Variants in SLIT3 observed in about 807,000 individuals in gnomAD.
SLIT3 encodes slit homolog 3 protein.
A neutral mutation model predicts 184.0 loss-of-function variants in SLIT3; 68 were observed. The ratio of observed to expected loss-of-function variants is 0.37; its 90% CI spans 0.30 to 0.45. SLIT3 has a LOEUF of 0.45. Among genes scored for constraint, SLIT3 ranks in the 20% least tolerant of loss-of-function variants. The pLI is 1.00. For synonymous variants in SLIT3, 831 were observed against 828.6 expected (o/e 1.00, Z -0.05); for missense variants, 1,707 against 2,026.0 (o/e 0.84, Z 3.02).
chr5:168,953,894 CT>C (rs1457436368), intron 4 of SLIT3, among the ~76,000 whole-genome samples: 1 of 152,228 alleles, frequency 6.6e-6, no homozygotes, highest in East Asian at 1.9e-4. Context: ...GTTTTCACTG[CT>C]GCCGGCGGCT....
intron 1 of SLIT3, among the ~76,000 whole-genome samples, chr5:169,257,495 A>G (rs72837976): frequency 0.26 from 37,653 of 146,546 alleles, 6,000 homozygotes; most frequent in Non-Finnish European, 0.37. Flanking sequence ...CTACGCTGAC[A>G]AATAAAATAT....
At chr5:168,700,516 G>T in intron 27 of SLIT3, 66 bp downstream of exon 27, 2 of 1,111,038 alleles carry the variant, frequency 1.8e-6, no homozygotes, top group Non-Finnish European at 2.8e-6. Context: ...CCAGTCTTGG[G>T]TATGTCTTTA....
At chr5:169,292,897 G>C (rs957338476) in intron 1 of SLIT3, among the ~76,000 whole-genome samples, 1 of 152,214 alleles carries the variant, frequency 6.6e-6, no homozygotes, top group African/African-American at 2.4e-5. Flanking sequence ...ATGTCAGGCA[G>C]CTTGGTCAAA....
chr5:169,169,632 T>TGGTCCCTATC (rs1420625065), intron 4 of SLIT3, among the ~76,000 whole-genome samples: 1 of 152,154 alleles, frequency 6.6e-6, no homozygotes, highest in Non-Finnish European at 1.5e-5. Flanking sequence ...TACCACAAAT[T>TGGTCCCTATC]GGTCCCTATC....
At chr5:168,762,316 G>C (rs1388864526) in intron 15 of SLIT3, among the ~76,000 whole-genome samples, 1 of 152,170 alleles carries the variant, frequency 6.6e-6, no homozygotes, top group Non-Finnish European at 1.5e-5. Flanking sequence ...TAGGTGTTCA[G>C]AAAATATGTG....
At chr5:169,244,605 A>T in intron 3 of SLIT3, 100 bp downstream of exon 3, 2 of 994,094 alleles carry the variant, frequency 2.0e-6, no homozygotes, top group Non-Finnish European at 3.1e-6. Context: ...GACCTTTTTT[A>T]ACAAGGTTAT....
intron 4 of SLIT3, among the ~76,000 whole-genome samples, chr5:168,934,858 G>A (rs1319925508): frequency 1.3e-5 from 2 of 151,680 alleles, no homozygotes; most frequent in African/African-American, 4.8e-5. Flanking sequence ...GGCTGGGCGC[G>A]GTGGCTCACG....
intron 11 of SLIT3, among the ~76,000 whole-genome samples, chr5:168,788,771 C>T (rs142884786): frequency 6.6e-6 from 1 of 151,942 alleles, no homozygotes; most frequent in Non-Finnish European, 1.5e-5. Flanking sequence ...GAGGACTAAA[C>T]TTGACAGACT....
chr5:169,152,963 G>A (rs1419740922), intron 4 of SLIT3, among the ~76,000 whole-genome samples: 1 of 152,140 alleles, frequency 6.6e-6, no homozygotes, highest in African/African-American at 2.4e-5. Flanking sequence ...CAGCTCTACG[G>A]TCTCCAGAAA....
intron 8 of SLIT3, among the ~76,000 whole-genome samples, chr5:168,816,907 G>T (rs892294444): frequency 7.9e-5 from 12 of 152,178 alleles, no homozygotes; most frequent in African/African-American, 2.9e-4. Flanking sequence ...TGACTCCAGA[G>T]CCTACATTAT....
chr5:168,954,692 G>A (rs772253573), intron 4 of SLIT3, among the ~76,000 whole-genome samples: 2 of 152,238 alleles, frequency 1.3e-5, no homozygotes, highest in African/African-American at 4.8e-5. Context: ...CTAGCACTGA[G>A]GGAGCTCAAA....
intron 4 of SLIT3, among the ~76,000 whole-genome samples, chr5:169,059,392 T>C (rs758409722): frequency 6.6e-6 from 1 of 152,180 alleles, no homozygotes. Flanking sequence ...TTTGTAAGCC[T>C]TACCCATTCA....
chr5:168,844,505 T>C (rs1246299681), intron 6 of SLIT3, 79 bp downstream of exon 6: 40 of 1,323,798 alleles, frequency 3.0e-5, no homozygotes, highest in Non-Finnish European at 4.3e-5. Context: ...ACTCTCCCCC[T>C]CTCTCCTCCC....
intron 4 of SLIT3, among the ~76,000 whole-genome samples, chr5:169,135,112 G>T (rs750521250): frequency 3.3e-5 from 5 of 152,134 alleles, no homozygotes; most frequent in Non-Finnish European, 5.9e-5. Context: ...TGTTTTGTTT[G>T]TTTGTTTTTT....
chr5:169,032,639 T>C (rs1490714303), intron 4 of SLIT3, among the ~76,000 whole-genome samples: 1 of 150,818 alleles, frequency 6.6e-6, no homozygotes, highest in Non-Finnish European at 1.5e-5. Context: ...ACATGTGAAG[T>C]CATGGAGTCG....
intron 4 of SLIT3, among the ~76,000 whole-genome samples, chr5:169,086,511 T>C (rs1759304423): frequency 6.6e-6 from 1 of 152,246 alleles, no homozygotes; most frequent in Non-Finnish European, 1.5e-5. Context: ...ATGAACTATA[T>C]ACGGCTTGAC....
intron 5 of SLIT3, among the ~76,000 whole-genome samples, chr5:168,881,159 C>T (rs1432342184): frequency 6.6e-6 from 1 of 152,204 alleles, no homozygotes; most frequent in Admixed American, 6.5e-5. Context: ...AAGATCCTCA[C>T]TGAGTTTAGG....
chr5:168,828,050 G>C (rs1184143820), intron 6 of SLIT3, among the ~76,000 whole-genome samples: 2 of 152,190 alleles, frequency 1.3e-5, no homozygotes, highest in African/African-American at 2.4e-5. Context: ...AATGTGATAT[G>C]CTAGGCAAGG....
chr5:168,809,494 T>G (rs564549565), intron 8 of SLIT3, among the ~76,000 whole-genome samples: 21 of 152,270 alleles, frequency 1.4e-4, no homozygotes, highest in African/African-American at 4.6e-4. Context: ...ACAATGAGGT[T>G]GAAAGATGGG....
Sources: allele counts gnomAD v4.1 joint callset (sites outside exome capture counted in the v4.1 genomes callset), GRCh38; gene constraint gnomAD v4.1.1; transcripts MANE v1.5; gene names NCBI Gene and HGNC (gene_info 2026-07-23, HGNC 2026-07-21).